Variants in LEKR1 observed in about 807,000 individuals in gnomAD.
The protein encoded by LEKR1 is leucine, glutamate and lysine rich 1, also known as protein LEKR1.
A neutral mutation model predicts 72.4 loss-of-function variants in LEKR1; 59 were observed. The ratio of observed to expected loss-of-function variants is 0.82; its 90% CI spans 0.66 to 1.01. The LOEUF (loss-of-function observed/expected upper bound fraction) is 1.01. Among genes scored for constraint, LEKR1 ranks in the 50% least tolerant of loss-of-function variants. The pLI is 0.00. For synonymous variants in LEKR1, 257 were observed against 263.2 expected (o/e 0.98, Z 0.23); for missense variants, 728 against 759.2 (o/e 0.96, Z 0.48).
intron 3 of LEKR1, among the ~76,000 whole-genome samples, chr3:156,854,901 G>A (rs563842876): frequency 1.2e-4 from 19 of 152,090 alleles, no homozygotes; most frequent in Non-Finnish European, 2.4e-4. Flanking sequence ...TAATAGACTA[G>A]TTTTAACATT....
At chr3:156,870,904 CT>C (rs1372220321) in intron 3 of LEKR1, among the ~76,000 whole-genome samples, 1 of 152,018 alleles carries the variant, frequency 6.6e-6, no homozygotes, top group Non-Finnish European at 1.5e-5. Flanking sequence ...TTATCAAATA[CT>C]TTTTCTGCAT....
intron 9 of LEKR1, 47 bp from the exon 10 acceptor site, chr3:157,011,366 G>T: frequency 1.6e-6 from 2 of 1,254,572 alleles, no homozygotes; most frequent in Non-Finnish European, 1.2e-6. Context: ...CTTAGGAATT[G>T]TGTTAGGGGT....
At chr3:156,906,738 G>A (rs1029784844) in intron 3 of LEKR1, among the ~76,000 whole-genome samples, 2 of 152,162 alleles carry the variant, frequency 1.3e-5, no homozygotes, top group Non-Finnish European at 2.9e-5. Context: ...GAACTAATGT[G>A]ACCACACATC....
At chr3:156,920,096 C>T (rs1165176200) in intron 3 of LEKR1, among the ~76,000 whole-genome samples, 1 of 152,070 alleles carries the variant, frequency 6.6e-6, no homozygotes, top group Non-Finnish European at 1.5e-5. Flanking sequence ...ATGCAGCTAT[C>T]CAATCTTGAA....
intron 2 of LEKR1, among the ~76,000 whole-genome samples, chr3:156,852,450 C>T (rs948636216): frequency 1.3e-5 from 2 of 151,994 alleles, no homozygotes; most frequent in African/African-American, 2.4e-5. Flanking sequence ...ATCTTAAAAC[C>T]GGAATTATAA....
chr3:157,016,471 A>T (rs1302357229), intron 10 of LEKR1, among the ~76,000 whole-genome samples: 1 of 152,168 alleles, frequency 6.6e-6, no homozygotes, highest in African/African-American at 2.4e-5. Flanking sequence ...GTCAACCTAG[A>T]ATTCATACCA....
At chr3:156,879,287 A>C (rs1377003795) in intron 3 of LEKR1, among the ~76,000 whole-genome samples, 1 of 152,168 alleles carries the variant, frequency 6.6e-6, no homozygotes, top group Non-Finnish European at 1.5e-5. Flanking sequence ...CTTGTCGAGA[A>C]CTGGAGTAAA....
intron 3 of LEKR1, among the ~76,000 whole-genome samples, chr3:156,875,972 G>A (rs1332445350): frequency 1.4e-5 from 2 of 139,770 alleles, no homozygotes; most frequent in Non-Finnish European, 3.0e-5. Flanking sequence ...TCCAGCCTGG[G>A]CAACAGCGAG....
At chr3:157,017,529 G>A (rs1334930459) in intron 10 of LEKR1, 1 of 152,230 alleles carries the variant, frequency 6.6e-6, no homozygotes. Context: ...ACATTCTTCT[G>A]TAAAGGGTAT....
chr3:156,990,771 G>A (rs905058736), intron 7 of LEKR1, among the ~76,000 whole-genome samples: 1 of 152,132 alleles, frequency 6.6e-6, no homozygotes, highest in African/African-American at 2.4e-5. Context: ...ATCATCTTTT[G>A]TAAACACTTT....
chr3:156,935,427 T>A (rs1432867397), intron 5 of LEKR1, among the ~76,000 whole-genome samples: 23 of 152,200 alleles, frequency 1.5e-4, no homozygotes, highest in Admixed American at 1.5e-3. Flanking sequence ...TACAAACATG[T>A]GCAAATATGT....
intron 10 of LEKR1, among the ~76,000 whole-genome samples, chr3:157,014,103 A>C (rs1014803943): frequency 6.6e-6 from 1 of 152,082 alleles, no homozygotes; most frequent in African/African-American, 2.4e-5. Flanking sequence ...AATTGGTTTT[A>C]AATGTACAAT....
At chr3:157,024,143 G>A (rs376849348) in intron 10 of LEKR1, among the ~76,000 whole-genome samples, 9 of 152,128 alleles carry the variant, frequency 5.9e-5, no homozygotes, top group African/African-American at 2.2e-4. Context: ...AAAAGTTGAA[G>A]TATAGTCTCT....
intron 3 of LEKR1, among the ~76,000 whole-genome samples, chr3:156,918,842 C>A (rs1485323328): frequency 6.6e-6 from 1 of 151,870 alleles, no homozygotes; most frequent in Non-Finnish European, 1.5e-5. Flanking sequence ...TTTTTAATAA[C>A]CCTTTTAGTC....
chr3:156,873,076 A>G (rs1355667488), intron 3 of LEKR1, among the ~76,000 whole-genome samples: 2 of 151,936 alleles, frequency 1.3e-5, no homozygotes. Context: ...CACCTTTTCA[A>G]TCTAAAATTT....
intron 3 of LEKR1, among the ~76,000 whole-genome samples, chr3:156,888,669 C>T (rs751203452): frequency 3.9e-5 from 6 of 152,104 alleles, no homozygotes; most frequent in East Asian, 1.9e-4. Flanking sequence ...TAACCTTTTG[C>T]GTTTAGCCTG....
chr3:156,836,694 G>C (rs1169297171), intron 2 of LEKR1, among the ~76,000 whole-genome samples: 2 of 152,188 alleles, frequency 1.3e-5, no homozygotes, highest in African/African-American at 4.8e-5. Flanking sequence ...TCTCCAAAGA[G>C]ACAGCAAGCA....
chr3:157,033,969 G>A (rs973759241), intron 12 of LEKR1, among the ~76,000 whole-genome samples: 1 of 151,628 alleles, frequency 6.6e-6, no homozygotes, highest in East Asian at 1.9e-4. Context: ...TTATAAGTGG[G>A]ACAACAAAGC....
Position 156,923,731 on chromosome 3 carries a change from A to ATT in LEKR1, c.383+3050_383+3051dup, listed in dbSNP as rs35293525. 3.4e-3 allele frequency among the ~76,000 whole-genome samples: 496 copies of ATT among 146,774 alleles called. 2 individuals are homozygous for ATT. Among genetic ancestry groups the ATT allele is most frequent in the African/African-American group, 0.012 (468 of 40,026 alleles). ...AGGTCATATGATTAATGTATATTTA[A>ATT]TTTTTTTTTTTTTTGAGACGGAGGC... is the stretch of plus-strand genomic sequence containing the variant. On this transcript the variant is annotated intron_variant, in intron 4 of 12. Coordinates refer to ENST00000356539, the MANE Select transcript of LEKR1 (RefSeq NM_001004316.3).
Sources: gnomAD v4.1 joint callset for allele counts (sites outside exome capture counted in the v4.1 genomes callset) on GRCh38, gnomAD v4.1.1 for gene constraint, MANE v1.5 for transcripts, NCBI Gene and HGNC (gene_info 2026-07-23, HGNC 2026-07-21) for gene names.